Variants in VRK2 observed in about 807,000 individuals in gnomAD.
VRK2 encodes serine/threonine-protein kinase VRK2.
A neutral mutation model predicts 57.6 loss-of-function variants in VRK2; 60 were observed. The ratio of observed to expected loss-of-function variants is 1.04; its 90% confidence interval spans 0.85 to 1.29. The LOEUF is 1.29. VRK2 is among the 50% of genes most tolerant of loss of function. VRK2 has a pLI of 0.00. For synonymous variants in VRK2, 231 were observed against 199.2 expected, an observed-to-expected ratio of 1.16 and a Z score of -1.35; for missense variants, 705 against 588.1, an observed-to-expected ratio of 1.20 and a Z score of -2.06.
At chr2:58,051,579 T>C (rs1255082843) in intron 2 of VRK2, among the ~76,000 whole-genome samples, 1 of 152,240 alleles carries the variant, frequency 6.6e-6, no homozygotes, top group Non-Finnish European at 1.5e-5. Context: ...TGAATACTTT[T>C]GTGTCCAGTG....
intron 1 of VRK2, among the ~76,000 whole-genome samples, chr2:57,984,133 C>T (rs1672518601): frequency 6.6e-6 from 1 of 152,022 alleles, no homozygotes; most frequent in Non-Finnish European, 1.5e-5. Flanking sequence ...ACAATTGTGG[C>T]AATAAAGCAG....
chr2:58,159,915 CT>C (rs1684851545), downstream of VRK2: 1 of 1,541,448 alleles, frequency 6.5e-7, no homozygotes, highest in African/African-American at 1.4e-5. Flanking sequence ...GAAAACACTT[CT>C]GAAGTTTCAG....
intron 1 of VRK2, among the ~76,000 whole-genome samples, chr2:58,017,452 A>G (rs1249039057): frequency 6.6e-6 from 1 of 152,192 alleles, no homozygotes; most frequent in East Asian, 1.9e-4. Context: ...ACTAGTTATT[A>G]TGGTCCCCAA....
At chr2:58,071,655 T>A (rs190875840) in intron 2 of VRK2, among the ~76,000 whole-genome samples, 9 of 152,178 alleles carry the variant, frequency 5.9e-5, no homozygotes, top group African/African-American at 1.9e-4. Context: ...GATCTATTTG[T>A]CTATTTTTTT....
At chr2:58,095,293 C>CAAAA (rs1231159019) in intron 7 of VRK2, among the ~76,000 whole-genome samples, 24 of 66,652 alleles carry the variant, frequency 3.6e-4, no homozygotes, top group African/African-American at 1.2e-3. Flanking sequence ...GACTCCGTCT[C>CAAAA]AAAAAAAAAA....
intron 8 of VRK2, among the ~76,000 whole-genome samples, chr2:58,126,167 A>T (rs2104509469): frequency 1.3e-5 from 2 of 151,944 alleles, no homozygotes; most frequent in East Asian, 3.9e-4. Flanking sequence ...AGTCACTAGG[A>T]TATAGAACTT....
chr2:58,001,266 T>G (rs543186251), intron 1 of VRK2, among the ~76,000 whole-genome samples: 1 of 152,344 alleles, frequency 6.6e-6, no homozygotes, highest in South Asian at 2.1e-4. Flanking sequence ...CTCCTGATAT[T>G]CAATTATGTT....
chr2:57,924,534 T>C (rs547258858), intron 1 of VRK2, among the ~76,000 whole-genome samples: 3 of 152,080 alleles, frequency 2.0e-5, no homozygotes, highest in Admixed American at 6.6e-5. Context: ...TTTTGGCATA[T>C]AGAAATGCTA....
At chr2:57,926,364 G>C (rs991162589) in intron 1 of VRK2, among the ~76,000 whole-genome samples, 3 of 150,804 alleles carry the variant, frequency 2.0e-5, no homozygotes, top group Non-Finnish European at 4.4e-5. Flanking sequence ...TCTCTCTTTA[G>C]CCTTAATAAT....
At chr2:58,089,507 G>T in intron 6 of VRK2, 124 bp from the exon 7 acceptor site, 1 of 509,128 alleles carries the variant, frequency 2.0e-6, no homozygotes, top group Non-Finnish European at 3.3e-6. Flanking sequence ...ACCAGTAATT[G>T]TGAAATACAT....
At chr2:58,084,813 G>A in intron 3 of VRK2, 68 bp from the exon 4 acceptor site, 1 of 1,067,220 alleles carries the variant, frequency 9.4e-7, no homozygotes, top group Non-Finnish European at 1.4e-6. Flanking sequence ...TATTTTCACA[G>A]TTGAAATAAC....
chr2:58,041,086 T>G (rs559298552), intron 3 of VRK2: 2 of 984,602 alleles, frequency 2.0e-6, no homozygotes, highest in African/African-American at 1.7e-5. Context: ...GGAAAAAGGA[T>G]GTAGAGTGTA....
chr2:58,028,613 A>G (rs552695162), intron 2 of VRK2, among the ~76,000 whole-genome samples: 5 of 151,862 alleles, frequency 3.3e-5, no homozygotes, highest in Non-Finnish European at 7.4e-5. Flanking sequence ...GGAAACCACC[A>G]TTCTCAGCAA....
intron 1 of VRK2, among the ~76,000 whole-genome samples, chr2:57,988,277 C>T (rs1307920248): frequency 1.3e-5 from 2 of 152,184 alleles, no homozygotes; most frequent in Admixed American, 6.5e-5. Flanking sequence ...AATCTCTTCA[C>T]ATAGTTTTAT....
rs566365954 is a variant in VRK2 at position 58,004,659 on chromosome 2, T to C, written c.-438-21006T>C. On this transcript the variant is annotated intron_variant, in intron 1 of 15. Coordinates refer to the VRK2 transcript ENST00000417641. ...TTAATATTCCTCAATAATGGTTAAC[T>C]TTTTAAATTATGTCCTCTGCCAAAG... Among the ~76,000 whole-genome samples, 7 of 152,310 alleles carry C rather than the reference T, an allele frequency of 4.6e-5. No individual in the cohort carries two copies. The East Asian group carries it at 1.3e-3, about 29-fold the overall frequency.
At chr2:58,077,227 G>C (rs905980754) in intron 2 of VRK2, among the ~76,000 whole-genome samples, 3 of 151,722 alleles carry the variant, frequency 2.0e-5, no homozygotes, top group Admixed American at 6.6e-5. Context: ...AAATACCTTA[G>C]TGTAAGCAGA....
intron 1 of VRK2, among the ~76,000 whole-genome samples, chr2:57,994,906 T>C (rs1672879915): frequency 6.6e-6 from 1 of 152,226 alleles, no homozygotes; most frequent in Non-Finnish European, 1.5e-5. Flanking sequence ...AAATCGCTTT[T>C]AATGTCTAGT....
chr2:58,047,533 G>T, intron 1 of VRK2: 1 of 790,780 alleles, frequency 1.3e-6, no homozygotes, highest in Non-Finnish European at 1.5e-6. Context: ...GCCCCAAAGT[G>T]TATTTATCTT....
In VRK2 at chr2:58,139,758, G is replaced by T; in HGVS notation, c.949G>T (p.Gly317Ter). The T allele has an allele frequency of 6.2e-7, 1 of 1,613,178 alleles. No homozygotes were observed. The highest frequency in any genetic ancestry group is 8.5e-7 in the Non-Finnish European group (1 of 1,179,438). ...QALKKILNPHGIPLGPLDFST... is the reference protein window; with the variant it reads ...QALKKILNPH ...CCTCAAGAAAATTTTGAACCCTCAT[G>T]GAATACCTTTAGGACCACTGGACTT... The change falls in exon 11 of 13, where the codon GGA (glycine) becomes TGA (stop). Residue 317 changes from glycine to a stop codon, truncating the protein, a stop_gained. Coordinates refer to ENST00000340157, the MANE Select transcript of VRK2 (RefSeq NM_006296.7). LOFTEE classifies it high-confidence loss of function.
Sources: gnomAD v4.1 joint callset for allele counts (sites outside exome capture counted in the v4.1 genomes callset) on GRCh38, gnomAD v4.1.1 for gene constraint, MANE v1.5 for transcripts, NCBI Gene and HGNC (gene_info 2026-07-23, HGNC 2026-07-21) for gene names.